ATP12A: variants seen among roughly 807,000 people sequenced by gnomAD.
ATP12A encodes the protein potassium-transporting ATPase alpha chain 2.
In ATP12A, 81 loss-of-function variants were observed where a neutral mutation model predicts 111.2. That is an observed-to-expected ratio of 0.73 (90% CI 0.61 to 0.88). The LOEUF is 0.88. Among genes scored for constraint, ATP12A ranks in the 40% least tolerant of loss-of-function variants. The pLI is 0.00. For missense variants in ATP12A, 1,196 were observed against 1,313.1 expected, an observed-to-expected ratio of 0.91 and a Z score of 1.38; for synonymous variants, 498 against 499.8, an observed-to-expected ratio of 1.00 and a Z score of 0.05.
chr13:24,688,321 T>A lies in ATP12A; in HGVS notation c.231T>A (p.Gly77=). Residue 77 remains glycine (G), a splice_region_variant and synonymous_variant, in exon 4 of 23, where the codon GGT becomes GGA. Coordinates refer to ENST00000381946, the MANE Select transcript of ATP12A (RefSeq NM_001676.7). ...TGTGCTTTGTTTGGCTTTCCCAGGG[T>A]CTCTCCAGCACCAGAGCTGCCGAGC... ...EEKYGTDIIM[G]LSSTRAAELL... is the part of the protein sequence containing the mutation. 6.2e-7 allele frequency: 1 copy of A among 1,607,684 alleles called. No individual in the cohort carries two copies. The highest frequency in any genetic ancestry group is 1.3e-5 in the African/African-American group (1 of 74,818).
intron 18 of ATP12A, 43 bp downstream of exon 18, chr13:24,709,530 C>T: frequency 4.4e-6 from 7 of 1,604,010 alleles, no homozygotes; most frequent in Non-Finnish European, 6.0e-6. Flanking sequence ...AGGGCCTGCC[C>T]CGAGAATTCA....
chr13:24,694,111 CT>C (rs1281721222), intron 10 of ATP12A, among the ~76,000 whole-genome samples: 34 of 152,214 alleles, frequency 2.2e-4, no homozygotes, highest in Admixed American at 2.2e-3. Flanking sequence ...GAGCCTGCCC[CT>C]CATGCCCCTG....
chr13:24,681,516 G>A (rs1011080824), intron 1 of ATP12A, 46 bp from the exon 2 acceptor site: 24 of 1,591,242 alleles, frequency 1.5e-5, no homozygotes, highest in Non-Finnish European at 2.0e-5. Context: ...GCACCTCTTC[G>A]GAAACCCCAT....
At chr13:24,686,473 G>A (rs1320218222) in intron 3 of ATP12A, among the ~76,000 whole-genome samples, 1 of 150,866 alleles carries the variant, frequency 6.6e-6, no homozygotes, top group East Asian at 2.0e-4. Flanking sequence ...GGGCGTGGTG[G>A]CTCACGCCTG....
chr13:24,698,600 GA>G, intron 11 of ATP12A, 57 bp from the exon 12 acceptor site: 1 of 1,544,370 alleles, frequency 6.5e-7, no homozygotes, highest in Non-Finnish European at 8.8e-7. Context: ...GACCAGTAGA[GA>G]AGAAGGAATG....
chr13:24,688,472 A>C lies in ATP12A; in HGVS notation c.382A>C (p.Ile128Leu). 1 of 1,613,294 alleles carries C rather than the reference A, an allele frequency of 6.2e-7. No homozygotes were observed. Among genetic ancestry groups the C allele is most frequent in the Non-Finnish European group, 8.5e-7 (1 of 1,179,692 alleles). Reference sequence around the variant, plus strand: ...GTGGGTGGGCGCCTTTCTCTGTTGGATTGCATATGGGATTCAGTACTCCAG... The same window carrying C: ...GTGGGTGGGCGCCTTTCTCTGTTGGCTTGCATATGGGATTCAGTACTCCAG... Reference protein sequence around the residue: ...LLWVGAFLCWIAYGIQYSSDK... With the variant: ...LLWVGAFLCWLAYGIQYSSDK... Residue 128 changes from isoleucine (I) to leucine (L), a missense_variant, in exon 4 of 23, where the codon ATT becomes CTT. By Grantham distance (5) the Ile-to-Leu change is conservative (BLOSUM62 2). Around this residue, in one of 3 missense-constraint regions of ATP12A, gnomAD observed 1,126 missense variants for 1,228.5 expected, o/e 0.92. Transcript: ENST00000381946.
chr13:24,708,905 G>GAAAGAAAGAA (rs1875799950), intron 17 of ATP12A, among the ~76,000 whole-genome samples: 1 of 68,386 alleles, frequency 1.5e-5, no homozygotes, highest in Non-Finnish European at 2.8e-5. Context: ...AGAAAGGAAA[G>GAAAGAAAGAA]AAAGAAAGAA....
At position 24,711,566 on chromosome 13, in the gene ATP12A, A is replaced by C. The variant is rs372161683; in HGVS notation, c.*44A>C. 1 of 1,612,506 alleles carries C rather than the reference A, an allele frequency of 6.2e-7. No homozygotes were observed. The highest frequency in any genetic ancestry group is 1.3e-5 in the African/African-American group (1 of 74,864). ...GTCTCTCAGCAGCACGTTGGGGCACACTTGTTCATCTTCTGACCGTTTGCT... is the reference window on the plus strand; with the variant it reads ...GTCTCTCAGCAGCACGTTGGGGCACCCTTGTTCATCTTCTGACCGTTTGCT... On this transcript the variant is annotated 3_prime_UTR_variant, in exon 23 of 23. Coordinates refer to ENST00000381946, the MANE Select transcript of ATP12A (RefSeq NM_001676.7).
At chr13:24,698,590 G>A in intron 11 of ATP12A, 68 bp from the exon 12 acceptor site, 2 of 1,498,012 alleles carry the variant, frequency 1.3e-6, no homozygotes, top group Non-Finnish European at 1.8e-6. Flanking sequence ...ACATTTAATG[G>A]ACCAGTAGAG....
At chr13:24,701,851 C>G (rs1875410924) in intron 13 of ATP12A, 84 bp from the exon 14 acceptor site, 6 of 1,562,102 alleles carry the variant, frequency 3.8e-6, no homozygotes, top group African/African-American at 2.7e-5. Flanking sequence ...CAGGGCACTA[C>G]AGAGTAGGTA....
intron 19 of ATP12A, 111 bp downstream of exon 19, chr13:24,709,939 A>G (rs1156608649): frequency 1.4e-5 from 21 of 1,479,232 alleles, no homozygotes; most frequent in Admixed American, 1.9e-5. Flanking sequence ...GAAAGCTTCA[A>G]TTAATAGGGC....
At position 24,680,762 on chromosome 13, in the gene ATP12A, G is replaced by GC. The variant is rs1214352267; in HGVS notation, c.9+15dup. 1 of 1,491,480 alleles carries GC rather than the reference G, an allele frequency of 6.7e-7. No individual in the cohort carries two copies. Among genetic ancestry groups the GC allele is most frequent in the African/African-American group, 1.5e-5 (1 of 68,518 alleles). 92.4% of individuals were successfully genotyped at this position (1,491,480 alleles called of 1,614,324 possible). A position where few individuals can be genotyped will look rare whatever the true frequency, so the allele number is the denominator to read the frequency against. On this transcript the variant is annotated intron_variant, in intron 1 of 22. Coordinates refer to ENST00000381946, the MANE Select transcript of ATP12A (RefSeq NM_001676.7). ...GCCCAGCATGCACCAGGTGCGTGCA[G>GC]CCCCCGCGCCGGCCGAGGATGCGAG...
chr13:24,682,401 A>ACGTGTGTGTG (rs1555253823), intron 2 of ATP12A, among the ~76,000 whole-genome samples: 4 of 131,138 alleles, frequency 3.1e-5, no homozygotes, highest in African/African-American at 1.2e-4. Flanking sequence ...TGGTGTGTGT[A>ACGTGTGTGTG]TGTGTGTGTG....
At chr13:24,691,791 G>GT (rs1874917780) in intron 8 of ATP12A, among the ~76,000 whole-genome samples, 1 of 152,166 alleles carries the variant, frequency 6.6e-6, no homozygotes, top group Non-Finnish European at 1.5e-5. Context: ...CAAGGGGTAG[G>GT]AGAGGAGGGG....
intron 13 of ATP12A, among the ~76,000 whole-genome samples, chr13:24,701,572 G>C (rs1875399608): frequency 6.6e-6 from 1 of 151,784 alleles, no homozygotes; most frequent in African/African-American, 2.4e-5. Context: ...TTATTACTCA[G>C]TCTTGAGGCT....
chr13:24,698,222 AG>A (rs1875248961), intron 11 of ATP12A, among the ~76,000 whole-genome samples: 4 of 152,022 alleles, frequency 2.6e-5, no homozygotes. Flanking sequence ...GTGGACAATG[AG>A]GTGAGGAGGT....
chr13:24,684,707 C>T (rs1404552309), intron 2 of ATP12A, among the ~76,000 whole-genome samples: 7 of 152,234 alleles, frequency 4.6e-5, no homozygotes, highest in Admixed American at 3.9e-4. Flanking sequence ...GGTGAGAAAC[C>T]CTGCTGTAGT....
intron 3 of ATP12A, among the ~76,000 whole-genome samples, chr13:24,687,399 G>A (rs1340896867): frequency 6.6e-6 from 1 of 152,148 alleles, no homozygotes; most frequent in Non-Finnish European, 1.5e-5. Context: ...AGGAGGAGGA[G>A]GTTGCAGTGA....
intron 2 of ATP12A, among the ~76,000 whole-genome samples, 172 bp downstream of exon 2, chr13:24,681,892 G>A (rs540811595): frequency 4.7e-5 from 7 of 149,622 alleles, no homozygotes; most frequent in African/African-American, 1.2e-4. Context: ...GTGTGTGTGT[G>A]GTGTATGTGT....
Sources: gnomAD v4.1 joint callset for allele counts (sites outside exome capture counted in the v4.1 genomes callset) on GRCh38, gnomAD v4.1.1 for gene constraint, gnomAD v4.1.1 regional missense constraint, MANE v1.5 for transcripts, NCBI Gene and HGNC (gene_info 2026-07-23, HGNC 2026-07-21) for gene names.